SLC35F2: variants seen among roughly 807,000 people sequenced by gnomAD.
SLC35F2 encodes solute carrier family 35 member F2, also known as queuine/queuosine transporter SLC35F2.
Under a neutral mutation model 38.1 loss-of-function variants are expected in SLC35F2, and 25 were observed. The ratio of observed to expected loss-of-function variants is 0.66; its 90% confidence interval spans 0.48 to 0.92. SLC35F2 has a LOEUF of 0.92. Among genes scored for constraint, SLC35F2 ranks in the 40% least tolerant of loss-of-function variants. The pLI is 0.00. For synonymous variants in SLC35F2, 173 were observed against 181.7 expected, an observed-to-expected ratio of 0.95 and a Z score of 0.38; for missense variants, 409 against 452.9, an observed-to-expected ratio of 0.90 and a Z score of 0.88.
chr11:107,840,787 T>C (rs1346917861), intron 1 of SLC35F2: 2 of 152,186 alleles, frequency 1.3e-5, no homozygotes, highest in African/African-American at 2.4e-5. Context: ...TTCTTTCCTA[T>C]GCCAGTGGTG....
chr11:107,825,665 C>T lies in SLC35F2; in HGVS notation c.111-9700G>A, dbSNP rs922715603. ...GATTACAGTCGTGAGCCACCGCGCC[C>T]GACCTGAGATTCCGCATTCCTAAGA... On this transcript the variant is annotated intron_variant, in intron 1 of 7. Transcript: ENST00000525815. 3.3e-5 allele frequency among the ~76,000 whole-genome samples: 5 copies of T among 151,934 alleles called. No individual in the cohort carries two copies. The South Asian group carries it at 6.2e-4, about 19-fold the overall frequency.
intron 1 of SLC35F2, among the ~76,000 whole-genome samples, chr11:107,856,901 AAGGAAGGGAGGG>A (rs1209852856): frequency 1.7e-5 from 1 of 59,738 alleles, no homozygotes; most frequent in Non-Finnish European, 3.1e-5. Flanking sequence ...GGAGGGAAGG[AAGGAAGGGAGGG>A]AGGGAGGGAG....
At chr11:107,794,498 C>T (rs1027758928) in intron 7 of SLC35F2, among the ~76,000 whole-genome samples, 6 of 152,118 alleles carry the variant, frequency 3.9e-5, no homozygotes, top group Admixed American at 6.6e-5. Flanking sequence ...TAATCAAATA[C>T]CCAGGGCCTT....
chr11:107,843,950 G>T (rs1860062558), intron 1 of SLC35F2, among the ~76,000 whole-genome samples: 1 of 143,210 alleles, frequency 7.0e-6, no homozygotes, highest in South Asian at 2.2e-4. Context: ...ATGAGAGTGT[G>T]TCATAGGCCA....
At chr11:107,857,302 C>G (rs1035017816) in intron 1 of SLC35F2, among the ~76,000 whole-genome samples, 1 of 120,284 alleles carries the variant, frequency 8.3e-6, no homozygotes, top group Non-Finnish European at 1.6e-5. Context: ...AGAGAGGGAA[C>G]GAAGGAAGGA....
At chr11:107,814,459 C>CA (rs34742139) in intron 2 of SLC35F2, among the ~76,000 whole-genome samples, 9,610 of 109,920 alleles carry the variant, frequency 0.087, 626 homozygotes, top group African/African-American at 0.21. Context: ...GACTCTGCCT[C>CA]AAAAAAAAAA....
At chr11:107,808,795 C>A (rs536324836) in intron 3 of SLC35F2, among the ~76,000 whole-genome samples, 2 of 152,314 alleles carry the variant, frequency 1.3e-5, no homozygotes, top group Admixed American at 1.3e-4. Flanking sequence ...AATGATAATA[C>A]CCTGTCCCTG....
chr11:107,817,768 T>C (rs1859599199), intron 1 of SLC35F2, among the ~76,000 whole-genome samples: 1 of 151,964 alleles, frequency 6.6e-6, no homozygotes, highest in South Asian at 2.1e-4. Flanking sequence ...CCTCAAAAAA[T>C]AAACAATTTG....
intron 1 of SLC35F2, among the ~76,000 whole-genome samples, chr11:107,822,401 G>T (rs1859686691): frequency 6.6e-6 from 1 of 152,042 alleles, no homozygotes; most frequent in South Asian, 2.1e-4. Context: ...TACATCTTCA[G>T]TCAGTAAGCT....
intron 1 of SLC35F2, among the ~76,000 whole-genome samples, chr11:107,849,596 G>A (rs954594561): frequency 4.7e-5 from 7 of 149,938 alleles, no homozygotes; most frequent in African/African-American, 7.4e-5. Context: ...CTGAGATTGC[G>A]CCACTGCACT....
chr11:107,816,646 A>T (rs1402908904), intron 1 of SLC35F2, among the ~76,000 whole-genome samples: 2 of 152,078 alleles, frequency 1.3e-5, no homozygotes, highest in Admixed American at 1.3e-4. Context: ...GAGACAGAAG[A>T]GGCTAAAATA....
At chr11:107,816,015 TACACACACACACACAC>T (rs370565333) in intron 1 of SLC35F2, 50 bp from the exon 2 acceptor site, 4 of 1,227,542 alleles carry the variant, frequency 3.3e-6, no homozygotes, top group Non-Finnish European at 4.3e-6. Context: ...AGTTATACCT[TACACACACACACACAC>T]ACACACACAC....
chr11:107,817,179 G>A (rs971933531), intron 1 of SLC35F2, among the ~76,000 whole-genome samples: 11 of 152,074 alleles, frequency 7.2e-5, no homozygotes, highest in African/African-American at 2.4e-4. Flanking sequence ...GGGAGGCTGA[G>A]GCATGAGAAT....
At chr11:107,812,004 C>G (rs932793373) in intron 2 of SLC35F2, among the ~76,000 whole-genome samples, 1 of 152,086 alleles carries the variant, frequency 6.6e-6, no homozygotes, top group Admixed American at 6.6e-5. Flanking sequence ...TGGGTTCAAG[C>G]CATCCTCCCA....
intron 1 of SLC35F2, among the ~76,000 whole-genome samples, chr11:107,833,130 G>A (rs1859874890): frequency 6.6e-6 from 1 of 152,242 alleles, no homozygotes; most frequent in Admixed American, 6.5e-5. Context: ...TTTTTATAGT[G>A]TCTCACAGTT....
chr11:107,843,857 AAAAAAAAAAAAATATATATATATATAT>A lies in SLC35F2; in HGVS notation c.110+14774_110+14800del, dbSNP rs1461936033. Among the ~76,000 whole-genome samples, 172 of 43,006 alleles carry A rather than the reference AAAAAAAAAAAAATATATATATATATAT, an allele frequency of 4.0e-3. 3 individuals carry two copies. Among genetic ancestry groups the A allele is most frequent in the African/African-American group, 0.014 (161 of 11,212 alleles). 28.2% of individuals were successfully genotyped at this position (43,006 alleles called of 152,430 possible). ...GAGACTCTGTATCTTAAAAAAAAAA[AAAAAAAAAAAAATATATATATATATAT>A]ATATATATATATATATATATATATG... is the stretch of plus-strand genomic sequence containing the variant. On this transcript the variant is annotated intron_variant, in intron 1 of 7. Coordinates refer to ENST00000525815, the MANE Select transcript of SLC35F2 (RefSeq NM_017515.5).
Position 107,804,854 on chromosome 11 carries a change from TA to T in SLC35F2, c.732-85del. 5.7e-6 allele frequency: 7 copies of T among 1,234,552 alleles called. No homozygotes were observed. In the South Asian group the frequency reaches 9.6e-5, roughly 17 times the overall value. The allele number at this position is 1,234,552 out of a possible 1,614,324, so 76.5% of individuals were successfully genotyped here. On this transcript the variant is annotated intron_variant, in intron 5 of 7. Transcript: ENST00000525815. ...AGCATTTTAGTCACTATACTTCAGC[TA>T]AAGTGAGGAATTACATGGACATTTG... is the stretch of plus-strand genomic sequence containing the variant.
chr11:107,811,739 C>T lies in SLC35F2; in HGVS notation c.342G>A (p.Leu114=). ...LKRKWWKYIL[L]GLADVEANYV... Reference sequence around the variant, plus strand: ...AATTAGCTTCCACATCTGCTAGTCCCAGCAGGATGTACTTCCACCATTTTC... The same window carrying T: ...AATTAGCTTCCACATCTGCTAGTCCTAGCAGGATGTACTTCCACCATTTTC... The change falls in exon 3 of 8, where the codon CTG becomes CTA. Residue 114 remains leucine, a synonymous_variant. Transcript: ENST00000525815. 6.2e-7 allele frequency: 1 copy of T among 1,613,650 alleles called. No homozygotes were observed. The highest frequency in any genetic ancestry group is 2.2e-5 in the East Asian group (1 of 44,868).
chr11:107,850,619 C>A (rs1379386072), intron 1 of SLC35F2, among the ~76,000 whole-genome samples: 1 of 151,868 alleles, frequency 6.6e-6, no homozygotes, highest in Non-Finnish European at 1.5e-5. Flanking sequence ...GCCAGGAGTT[C>A]GAGACCAGCC....
Sources: allele counts gnomAD v4.1 joint callset (sites outside exome capture counted in the v4.1 genomes callset), GRCh38; gene constraint gnomAD v4.1.1; transcripts MANE v1.5; gene names NCBI Gene and HGNC (gene_info 2026-07-23, HGNC 2026-07-21).